SNX29: variants seen among roughly 807,000 people sequenced by gnomAD.
SNX29 encodes the protein sorting nexin-29.
A neutral mutation model predicts 102.1 loss-of-function variants in SNX29; 78 were observed. The ratio of observed to expected loss-of-function variants is 0.76; its 90% confidence interval spans 0.64 to 0.92. The LOEUF (loss-of-function observed/expected upper bound fraction) is 0.92, where lower values mean the gene tolerates loss of function less well. Among genes scored for constraint, SNX29 ranks in the 40% least tolerant of loss-of-function variants. The pLI is 0.00. For missense variants in SNX29, 1,280 were observed against 1,061.7 expected, an observed-to-expected ratio of 1.21 and a Z score of -2.86; for synonymous variants, 580 against 414.5, an observed-to-expected ratio of 1.40 and a Z score of -4.85.
At chr16:12,547,119 G>A (rs533529377) in intron 20 of SNX29, among the ~76,000 whole-genome samples, 2 of 152,116 alleles carry the variant, frequency 1.3e-5, no homozygotes, top group African/African-American at 4.8e-5. Flanking sequence ...GACAGGAAAT[G>A]ACATCACAGT....
intron 18 of SNX29, among the ~76,000 whole-genome samples, chr16:12,442,364 T>C (rs912043969): frequency 2.0e-4 from 31 of 152,206 alleles, no homozygotes; most frequent in Admixed American, 5.2e-4. Flanking sequence ...CTATTCACTC[T>C]CCTAACCCTG....
At chr16:12,053,813 G>T (rs1422421754) in intron 8 of SNX29, among the ~76,000 whole-genome samples, 1 of 151,842 alleles carries the variant, frequency 6.6e-6, no homozygotes, top group Non-Finnish European at 1.5e-5. Flanking sequence ...ACCCTATATT[G>T]TAAGACGTCT....
intron 18 of SNX29, among the ~76,000 whole-genome samples, chr16:12,413,777 C>G (rs895547158): frequency 1.3e-5 from 2 of 152,204 alleles, no homozygotes; most frequent in African/African-American, 4.8e-5. Flanking sequence ...CAGCCTGTGG[C>G]TTTGAGAGCC....
chr16:12,572,454 A>C lies in SNX29; in HGVS notation c.*3825A>C, dbSNP rs970264263. The C allele has an allele frequency of 9.4e-7, 1 of 1,062,810 alleles. No homozygotes were observed. The highest frequency in any genetic ancestry group is 5.4e-5 in the Admixed American group (1 of 18,646). The allele number at this position is 1,062,810 out of a possible 1,614,324, so 65.8% of individuals were successfully genotyped here. On this transcript the variant is annotated 3_prime_UTR_variant, in exon 21 of 21. Transcript: ENST00000566228. ...GCTGCCTCTCTTGGTTCTGCATGGT[A>C]CATTTTGCCAACCCTGAGGACCAGT...
intron 19 of SNX29, among the ~76,000 whole-genome samples, chr16:12,481,385 T>C (rs1474292355): frequency 2.0e-5 from 3 of 147,712 alleles, no homozygotes; most frequent in East Asian, 2.0e-4. Context: ...TTTATACATA[T>C]ATATATATAT....
At chr16:12,545,452 T>C (rs569106431) in intron 20 of SNX29, 1 of 152,232 alleles carries the variant, frequency 6.6e-6, no homozygotes, top group Non-Finnish European at 1.5e-5. Context: ...CCAGGGCTTG[T>C]GGACGGATAG....
At chr16:11,989,539 A>AACC (rs1416744279) in intron 1 of SNX29, among the ~76,000 whole-genome samples, 2 of 152,070 alleles carry the variant, frequency 1.3e-5, no homozygotes, top group Non-Finnish European at 2.9e-5. Context: ...GAGCAGATAA[A>AACC]ACCACCACCG....
chr16:12,048,233 C>T lies in SNX29; in HGVS notation c.500-139C>T, dbSNP rs529939801. The T allele has an allele frequency of 3.6e-4, 448 of 1,261,850 alleles. 1 individual carries two copies. The highest frequency in any genetic ancestry group is 2.7e-3 in the Admixed American group (159 of 58,402). 78.2% of individuals were successfully genotyped at this position (1,261,850 alleles called of 1,614,324 possible). A position where few individuals can be genotyped will look rare whatever the true frequency, so the allele number is the denominator to read the frequency against. On this transcript the variant is annotated intron_variant, in intron 6 of 20. Transcript: ENST00000566228. ...CGCGATTTTCGCTCCCTGCAACGTC[C>T]GCATGGGAGGTATTTTTATACCTAT...
intron 16 of SNX29, among the ~76,000 whole-genome samples, chr16:12,398,105 C>T (rs1233003490): frequency 6.6e-6 from 1 of 152,184 alleles, no homozygotes; most frequent in Non-Finnish European, 1.5e-5. Flanking sequence ...GATATTTTTT[C>T]CATTGCACAT....
chr16:12,070,895 G>C (rs1257458902), intron 10 of SNX29, among the ~76,000 whole-genome samples: 1 of 152,162 alleles, frequency 6.6e-6, no homozygotes, highest in East Asian at 1.9e-4. Flanking sequence ...TCTCATTGTG[G>C]TTTTGATTTG....
intron 18 of SNX29, among the ~76,000 whole-genome samples, chr16:12,408,176 AC>A (rs1304629385): frequency 2.8e-4 from 42 of 151,688 alleles, no homozygotes; most frequent in African/African-American, 9.2e-4. Flanking sequence ...AAACAAACAA[AC>A]AAAAAAAAAA....
At chr16:12,107,502 A>G (rs995381407) in intron 11 of SNX29, among the ~76,000 whole-genome samples, 1 of 152,088 alleles carries the variant, frequency 6.6e-6, no homozygotes, top group African/African-American at 2.4e-5. Flanking sequence ...CCCCGTCTCT[A>G]CTGAAAAATA....
At chr16:12,352,811 C>G (rs2082024307) in intron 15 of SNX29, among the ~76,000 whole-genome samples, 1 of 152,208 alleles carries the variant, frequency 6.6e-6, no homozygotes, top group Admixed American at 6.5e-5. Context: ...CTGGCATTTA[C>G]TTTTGATTTG....
intron 13 of SNX29, among the ~76,000 whole-genome samples, chr16:12,189,304 A>G (rs2076585704): frequency 6.6e-6 from 1 of 152,218 alleles, no homozygotes; most frequent in African/African-American, 2.4e-5. Context: ...AAAATGGTTG[A>G]GTCCGGAATG....
chr16:12,082,134 A>T (rs796493314), intron 11 of SNX29, among the ~76,000 whole-genome samples: 4 of 152,184 alleles, frequency 2.6e-5, no homozygotes, highest in African/African-American at 9.6e-5. Context: ...ACCGTGGTGT[A>T]GATGGACAAG....
chr16:12,054,725 C>A (rs903783206), intron 8 of SNX29, among the ~76,000 whole-genome samples: 5 of 152,160 alleles, frequency 3.3e-5, no homozygotes, highest in African/African-American at 1.2e-4. Context: ...TGGAGCAGTT[C>A]CTCAATATAA....
chr16:12,455,285 C>A (rs1234283380), intron 18 of SNX29, among the ~76,000 whole-genome samples: 3 of 152,218 alleles, frequency 2.0e-5, no homozygotes, highest in African/African-American at 7.2e-5. Context: ...AGCCCCCACA[C>A]CTCGTGGCCC....
intron 20 of SNX29, among the ~76,000 whole-genome samples, chr16:12,542,973 C>T (rs1021619579): frequency 6.6e-6 from 1 of 152,122 alleles, no homozygotes; most frequent in South Asian, 2.1e-4. Flanking sequence ...GAAGTACTTA[C>T]TACTCCTGTA....
chr16:12,178,690 A>G (rs895659364), intron 13 of SNX29, among the ~76,000 whole-genome samples: 7 of 152,230 alleles, frequency 4.6e-5, no homozygotes, highest in South Asian at 2.1e-4. Flanking sequence ...TGCATACGCA[A>G]TGCTCTTAGT....
Sources: allele counts gnomAD v4.1 joint callset (sites outside exome capture counted in the v4.1 genomes callset), GRCh38; gene constraint gnomAD v4.1.1; transcripts MANE v1.5; gene names NCBI Gene and HGNC (gene_info 2026-07-23, HGNC 2026-07-21).